The following RANBP2 variants were observed in gnomAD, a reference collection of about 807,000 sequenced individuals.
RANBP2 encodes the protein RAN binding protein 2.
RANBP2 carries 57 observed loss-of-function variants against 303.6 expected under a neutral mutation model. The ratio of observed to expected loss-of-function variants is 0.19; its 90% confidence interval spans 0.15 to 0.23. The LOEUF is 0.23. Ranked by LOEUF, RANBP2 falls within the 10% of genes least tolerant of loss-of-function variation. RANBP2 has a pLI of 1.00. For synonymous variants in RANBP2, 1,167 were observed against 1,301.5 expected (o/e 0.90, Z 2.23); for missense variants, 3,138 against 3,780.8 (o/e 0.83, Z 4.46).
chr2:109,063,576 A>C, the RANBP2 span, among the ~76,000 whole-genome samples: 1 of 152,158 alleles, frequency 6.6e-6, no homozygotes, highest in Non-Finnish European at 1.5e-5. Context: ...TTTCTTGCTC[A>C]ATGGCTGTAG....
At chr2:109,101,198 C>T in the RANBP2 span, among the ~76,000 whole-genome samples, 8 of 152,104 alleles carry the variant, frequency 5.3e-5, no homozygotes, top group East Asian at 5.8e-4. Context: ...TTGCCTTGGA[C>T]GTATATTACT....
At chr2:109,347,044 C>T in the RANBP2 span, among the ~76,000 whole-genome samples, 84 of 152,296 alleles carry the variant, frequency 5.5e-4, no homozygotes, top group African/African-American at 1.9e-3. Flanking sequence ...GCCATGAGTC[C>T]TCTGAGTGGA....
At chr2:108,734,719 T>G (rs1695432641) in intron 4 of RANBP2, among the ~76,000 whole-genome samples, 1 of 151,678 alleles carries the variant, frequency 6.6e-6, no homozygotes, top group Admixed American at 6.6e-5. Context: ...GGTAGAAGAA[T>G]AACAAGGGTG....
chr2:109,384,880 CACAGTTCA>C, the RANBP2 span, among the ~76,000 whole-genome samples: 3 of 152,300 alleles, frequency 2.0e-5, no homozygotes, highest in South Asian at 2.1e-4. Context: ...CCACTTCCCC[CACAGTTCA>C]TTCTCACACA....
At chr2:109,713,278 A>G in the RANBP2 span, among the ~76,000 whole-genome samples, 3 of 152,126 alleles carry the variant, frequency 2.0e-5, no homozygotes, top group Non-Finnish European at 2.9e-5. Flanking sequence ...GTTCTTCATC[A>G]TTAATAAGCC....
the RANBP2 span, among the ~76,000 whole-genome samples, chr2:109,605,866 C>T: frequency 6.6e-6 from 1 of 152,158 alleles, no homozygotes; most frequent in African/African-American, 2.4e-5. Flanking sequence ...TGATCCATGT[C>T]ACAAAGAAGA....
At chr2:108,731,767 G>A (rs545763655) in intron 4 of RANBP2, 17 of 363,144 alleles carry the variant, frequency 4.7e-5, no homozygotes, top group Admixed American at 2.5e-4. Flanking sequence ...AGTTCCGTCT[G>A]GTATACAATT....
rs1558873843 is a variant in RANBP2, at chr2:108,729,099, AT to A, written c.73-32del. On this transcript the variant is annotated intron_variant, in intron 1 of 28. Transcript: ENST00000283195. ...AAAAAATGTTGGAAAATATTTCTGTATGAAAAGTAAAACAACTTTTAATTTT... is the reference window on the plus strand; with the variant it reads ...AAAAAATGTTGGAAAATATTTCTGTAGAAAAGTAAAACAACTTTTAATTTT... 4 of 1,557,440 alleles carry A rather than the reference AT, an allele frequency of 2.6e-6. No homozygotes were observed. The Admixed American group carries it at 5.1e-5, about 20-fold the overall frequency.
the RANBP2 span, among the ~76,000 whole-genome samples, chr2:108,990,437 C>CAAAAAAAA: frequency 5.7e-5 from 4 of 70,624 alleles, no homozygotes; most frequent in African/African-American, 1.2e-4. Flanking sequence ...GACTCCGTCT[C>CAAAAAAAA]AAAAAAAAAA....
chr2:109,589,202 G>A, the RANBP2 span, among the ~76,000 whole-genome samples: 14 of 152,064 alleles, frequency 9.2e-5, no homozygotes, highest in Admixed American at 7.9e-4. Context: ...GAGTGCAGTC[G>A]TGCGACCTTG....
At chr2:109,138,676 C>G in the RANBP2 span, among the ~76,000 whole-genome samples, 1 of 152,202 alleles carries the variant, frequency 6.6e-6, no homozygotes, top group African/African-American at 2.4e-5. Context: ...GCACACCCTG[C>G]CTGCAGACTG....
At chr2:109,169,668 TTTAA>T in the RANBP2 span, among the ~76,000 whole-genome samples, 1 of 152,180 alleles carries the variant, frequency 6.6e-6, no homozygotes, top group Non-Finnish European at 1.5e-5. Context: ...ATAGCATGTG[TTTAA>T]TTGTTTTCAT....
the RANBP2 span, among the ~76,000 whole-genome samples, chr2:109,082,825 C>CTTTT: frequency 9.0e-3 from 1,114 of 123,762 alleles, 25 homozygotes; most frequent in East Asian, 0.03. Context: ...GACCCCATGT[C>CTTTT]TTTTTTTTTT....
chr2:108,957,058 G>A, the RANBP2 span, among the ~76,000 whole-genome samples: 6 of 152,218 alleles, frequency 3.9e-5, no homozygotes, highest in Non-Finnish European at 8.8e-5. Context: ...CCAAAGTGCT[G>A]GAATTACAGG....
chr2:108,960,141 G>T, the RANBP2 span, among the ~76,000 whole-genome samples: 2 of 152,168 alleles, frequency 1.3e-5, no homozygotes, highest in East Asian at 1.9e-4. Flanking sequence ...TAAGAGGAGC[G>T]GGGTGGGGAT....
At chr2:109,433,887 C>G in the RANBP2 span, among the ~76,000 whole-genome samples, 2 of 152,214 alleles carry the variant, frequency 1.3e-5, no homozygotes, top group Admixed American at 6.5e-5. Context: ...GAAATGCACC[C>G]CCTCAAACCC....
downstream of RANBP2, among the ~76,000 whole-genome samples, chr2:108,787,078 C>T (rs1427895071): frequency 6.6e-6 from 1 of 151,852 alleles, no homozygotes; most frequent in East Asian, 1.9e-4. Context: ...GCGGGAGGGG[C>T]GGGCGTTGCG....
the RANBP2 span, among the ~76,000 whole-genome samples, chr2:109,416,269 G>T: frequency 6.6e-6 from 1 of 152,022 alleles, no homozygotes; most frequent in Non-Finnish European, 1.5e-5. Flanking sequence ...GCCTGTGCAC[G>T]CTGAACTTCC....
chr2:109,166,251 G>A, the RANBP2 span, among the ~76,000 whole-genome samples: 2 of 152,214 alleles, frequency 1.3e-5, no homozygotes, highest in South Asian at 4.2e-4. Context: ...GGCTGAGGCA[G>A]GTGGATCACG....
Sources: gnomAD v4.1 joint callset for allele counts (sites outside exome capture counted in the v4.1 genomes callset) on GRCh38, gnomAD v4.1.1 for gene constraint, MANE v1.5 for transcripts, NCBI Gene and HGNC (gene_info 2026-07-23, HGNC 2026-07-21) for gene names.